The following KCND3 variants were observed in gnomAD, a reference collection of about 807,000 sequenced individuals.
KCND3 encodes the protein A-type voltage-gated potassium channel KCND3.
In KCND3, 9 loss-of-function variants were observed where a neutral mutation model predicts 51.1. The ratio of observed to expected loss-of-function variants is 0.18; its 90% CI spans 0.11 to 0.31. The LOEUF (loss-of-function observed/expected upper bound fraction) is 0.31, where lower values mean the gene tolerates loss of function less well. KCND3 is among the 10% of genes least tolerant of loss of function. KCND3 has a pLI of 1.00. For missense variants in KCND3, 526 were observed against 903.8 expected (o/e 0.58, Z 5.36); for synonymous variants, 349 against 368.0 (o/e 0.95, Z 0.59).
intron 2 of KCND3, among the ~76,000 whole-genome samples, chr1:111,834,376 A>G (rs747253389): frequency 2.0e-5 from 3 of 152,170 alleles, no homozygotes; most frequent in Non-Finnish European, 4.4e-5. Context: ...CAAGAGCTTG[A>G]AAAACCAACC....
intron 2 of KCND3, among the ~76,000 whole-genome samples, chr1:111,818,450 G>A (rs1037567173): frequency 5.3e-5 from 8 of 152,214 alleles, no homozygotes; most frequent in Admixed American, 1.3e-4. Flanking sequence ...GCCAAGGGGA[G>A]GCCAGGGAGA....
At chr1:111,835,081 T>A (rs1236013226) in intron 2 of KCND3, among the ~76,000 whole-genome samples, 1 of 152,142 alleles carries the variant, frequency 6.6e-6, no homozygotes, top group Non-Finnish European at 1.5e-5. Flanking sequence ...AGGCAGATCA[T>A]CCTCCAAAGC....
At chr1:111,895,998 T>C (rs1670092675) in intron 2 of KCND3, among the ~76,000 whole-genome samples, 1 of 152,206 alleles carries the variant, frequency 6.6e-6, no homozygotes, top group African/African-American at 2.4e-5. Context: ...AGGACTAAGA[T>C]AAAAATAATG....
At chr1:111,841,576 T>C (rs1193390745) in intron 2 of KCND3, among the ~76,000 whole-genome samples, 2 of 152,250 alleles carry the variant, frequency 1.3e-5, no homozygotes, top group African/African-American at 4.8e-5. Flanking sequence ...CTGAGGTGTC[T>C]TAAATTCTCT....
chr1:111,909,137 A>C (rs1373172389), intron 2 of KCND3, among the ~76,000 whole-genome samples: 1 of 151,928 alleles, frequency 6.6e-6, no homozygotes, highest in African/African-American at 2.4e-5. Context: ...CCCTGGCCCC[A>C]CACACACTCT....
At position 111,775,897 on chromosome 1, in the gene KCND3, A is replaced by G. The variant is rs1451449540; in HGVS notation, c.*180T>C. 3 of 509,076 alleles carry G rather than the reference A, an allele frequency of 5.9e-6. No individual in the cohort carries two copies. The highest frequency in any genetic ancestry group is 1.1e-5 in the Non-Finnish European group (3 of 274,184). 31.5% of individuals were successfully genotyped at this position (509,076 alleles called of 1,614,324 possible). ...GGCTATGTCCACGCTAGCAGCGTGA[A>G]CCTCAGGTGCCCCTTTGCTACCTCT... On this transcript the variant is annotated 3_prime_UTR_variant, in exon 8 of 8. Transcript: ENST00000302127.
chr1:111,982,384 C>T lies in KCND3; in HGVS notation c.343G>A (p.Asp115Asn), dbSNP rs755294522. ...ATGCCGTAGAAGGCCAGCTCGTCGT[C>T]GTAGGCAGAGATGCACTCGTAGCGC... ...YPRYECISAY[D>N]DELAFYGILP... Residue 115 changes from aspartate (D) to asparagine (N), a missense_variant, in exon 2 of 8, where the codon GAC becomes AAC. Asp to Asn is a conservative substitution (Grantham distance 23). This residue lies in a region of KCND3 where 159 missense variants were observed against 262.8 expected (regional missense o/e 0.61). Transcript: ENST00000302127. This position sits in a 1 kb window ranked among gnomAD's most constrained non-coding sequence, Gnocchi z 8.5. 2 of 1,614,190 alleles carry T rather than the reference C, an allele frequency of 1.2e-6. No individual in the cohort carries two copies. The highest frequency in any genetic ancestry group is 1.1e-5 in the South Asian group (1 of 91,080).
intron 2 of KCND3, among the ~76,000 whole-genome samples, chr1:111,968,527 T>TG (rs1674141822): frequency 6.6e-6 from 1 of 152,190 alleles, no homozygotes. Context: ...ACCTGGTGAC[T>TG]GGGGGTTCCT....
chr1:111,854,782 G>A (rs17673582), intron 2 of KCND3, among the ~76,000 whole-genome samples: 4,086 of 152,272 alleles, frequency 0.027, 78 homozygotes, highest in Non-Finnish European at 0.036. Flanking sequence ...CTAAGGCCTC[G>A]AGTTACCAAA....
chr1:111,911,333 C>T (rs939254948), intron 2 of KCND3, among the ~76,000 whole-genome samples: 1 of 152,234 alleles, frequency 6.6e-6, no homozygotes, highest in Non-Finnish European at 1.5e-5. Context: ...TGCTTACACA[C>T]AGGGGTGTCT....
chr1:111,958,695 G>A (rs1673466411), intron 2 of KCND3, among the ~76,000 whole-genome samples: 3 of 152,204 alleles, frequency 2.0e-5, no homozygotes, highest in Middle Eastern at 3.4e-3. Flanking sequence ...TACCGCTCTG[G>A]AGCTGGCAGG....
At chr1:111,846,219 T>C (rs139621147) in intron 2 of KCND3, among the ~76,000 whole-genome samples, 1 of 152,342 alleles carries the variant, frequency 6.6e-6, no homozygotes, top group African/African-American at 2.4e-5. Flanking sequence ...CTAGGATATA[T>C]GGCCACCCTA....
At chr1:111,778,519 T>C (rs779075355) in intron 5 of KCND3, 27 bp from the exon 6 acceptor site, 1 of 1,605,292 alleles carries the variant, frequency 6.2e-7, no homozygotes, top group Non-Finnish European at 8.5e-7. Flanking sequence ...CAACAGAAGA[T>C]AAAAACACCA....
At chr1:111,789,443 T>C (rs1243220053) in intron 2 of KCND3, among the ~76,000 whole-genome samples, 4 of 152,190 alleles carry the variant, frequency 2.6e-5, no homozygotes, top group African/African-American at 4.8e-5. Flanking sequence ...TCAGTAAATT[T>C]ACATCACAGG....
chr1:111,778,475 C>A lies in KCND3; in HGVS notation c.1479G>T (p.Val493=), dbSNP rs1319533054. The change falls in exon 6 of 8, where the codon GTG becomes GTT. Residue 493 remains valine (V), a synonymous_variant. Coordinates refer to ENST00000302127, the MANE Select transcript of KCND3 (RefSeq NM_001378969.1). ...TTCGTACAGATAACAGGGGATCATCCACAAGATAGGACAACCCCTACAGGA... is the reference window on the plus strand; with the variant it reads ...TTCGTACAGATAACAGGGGATCATCAACAAGATAGGACAACCCCTACAGGA... ...LEKTTGLSYL[V]DDPLLSVRTS... 15 of 1,613,838 alleles carry A rather than the reference C, an allele frequency of 9.3e-6. No homozygotes were observed. The highest frequency in any genetic ancestry group is 1.7e-6 in the Non-Finnish European group (2 of 1,179,892).
intron 2 of KCND3, among the ~76,000 whole-genome samples, chr1:111,977,221 A>C (rs1211926031): frequency 6.6e-6 from 1 of 152,094 alleles, no homozygotes; most frequent in East Asian, 1.9e-4. Context: ...GGTGCAGATA[A>C]AATTTCAGGT....
chr1:111,932,036 C>T (rs138223205), intron 2 of KCND3, among the ~76,000 whole-genome samples: 56 of 152,330 alleles, frequency 3.7e-4, no homozygotes, highest in African/African-American at 1.3e-3. Context: ...TGGCTTGTGG[C>T]CCCTCTCCTC....
At chr1:111,823,121 ACTGCTGAGGGGC>A (rs1157661535) in intron 2 of KCND3, among the ~76,000 whole-genome samples, 1 of 152,092 alleles carries the variant, frequency 6.6e-6, no homozygotes, top group African/African-American at 2.4e-5. Flanking sequence ...CTTCCCCATT[ACTGCTGAGGGGC>A]CTGCTGGGAA....
chr1:111,908,058 C>T (rs983579681), intron 2 of KCND3, among the ~76,000 whole-genome samples: 3 of 152,186 alleles, frequency 2.0e-5, no homozygotes, highest in African/African-American at 7.2e-5. Context: ...CTCCCAATGC[C>T]GACATAACAG....
Sources: allele counts gnomAD v4.1 joint callset (sites outside exome capture counted in the v4.1 genomes callset), GRCh38; gene constraint gnomAD v4.1.1; regional missense constraint gnomAD v4.1.1; non-coding constraint Gnocchi (gnomAD v3.1); transcripts MANE v1.5; gene names NCBI Gene and HGNC (gene_info 2026-07-23, HGNC 2026-07-21).